CADPS2: variants seen among roughly 807,000 people sequenced by gnomAD.
CADPS2 encodes calcium dependent secretion activator 2.
Under a neutral mutation model 172.5 loss-of-function variants are expected in CADPS2, and 93 were observed. The ratio of observed to expected loss-of-function variants is 0.54; its 90% CI spans 0.46 to 0.64. CADPS2 has a LOEUF of 0.64. Ranked by LOEUF, CADPS2 falls within the 30% of genes least tolerant of loss-of-function variation. The pLI, the probability that CADPS2 is intolerant of heterozygous loss-of-function variation, is 0.00. For missense variants in CADPS2, 1,420 were observed against 1,565.9 expected (o/e 0.91, Z 1.57); for synonymous variants, 546 against 555.2 (o/e 0.98, Z 0.23).
At chr7:122,841,649 A>G (rs1810543282) in intron 1 of CADPS2, among the ~76,000 whole-genome samples, 1 of 152,216 alleles carries the variant, frequency 6.6e-6, no homozygotes, top group African/African-American at 2.4e-5. Context: ...GCTGAAAAAG[A>G]GAAGATCCAA....
At chr7:122,761,080 CAT>C (rs1265306732) in intron 1 of CADPS2, among the ~76,000 whole-genome samples, 1 of 152,064 alleles carries the variant, frequency 6.6e-6, no homozygotes, top group Admixed American at 6.6e-5. Context: ...TATCATGAAA[CAT>C]ATCCTTATAT....
At chr7:122,613,605 A>G (rs982331130) in intron 6 of CADPS2, among the ~76,000 whole-genome samples, 4 of 152,100 alleles carry the variant, frequency 2.6e-5, no homozygotes, top group Admixed American at 6.6e-5. Context: ...AGATAAATCT[A>G]TAAGAGACAG....
rs150428377 is a variant in CADPS2, at chr7:122,845,796, A to T, written c.339+40203T>A. ...TTTGGGGGCTACAAGCAACAGGAAA[A>T]CTTGATAAATTGTCCATGTTATTAC... On this transcript the variant is annotated intron_variant, in intron 1 of 29. Transcript: ENST00000449022. 2.2e-4 allele frequency among the ~76,000 whole-genome samples: 33 copies of T among 152,324 alleles called. 2 individuals carry two copies. In the East Asian group the frequency reaches 6.4e-3, roughly 29 times the overall value.
At chr7:122,769,469 A>T (rs1349190572) in intron 1 of CADPS2, among the ~76,000 whole-genome samples, 1 of 151,988 alleles carries the variant, frequency 6.6e-6, no homozygotes, top group Non-Finnish European at 1.5e-5. Flanking sequence ...CGTCACCTAC[A>T]TCCCCAACTC....
chr7:122,448,265 T>C (rs2052566561), intron 15 of CADPS2, among the ~76,000 whole-genome samples: 1 of 152,124 alleles, frequency 6.6e-6, no homozygotes, highest in African/African-American at 2.4e-5. Context: ...TTCTGAAAAT[T>C]CATGAAATGT....
intron 6 of CADPS2, among the ~76,000 whole-genome samples, chr7:122,605,700 G>A (rs78891823): frequency 0.028 from 4,318 of 151,958 alleles, 88 homozygotes; most frequent in Middle Eastern, 0.048. Flanking sequence ...TCACTGAATT[G>A]AGTTTTTATT....
rs1203830571 is a variant in CADPS2 at position 122,318,747 on chromosome 7, A to G, written c.*1418T>C. 1 of 152,198 alleles carries G rather than the reference A, an allele frequency of 6.6e-6. No individual in the cohort carries two copies. Among genetic ancestry groups the G allele is most frequent in the Non-Finnish European group, 1.5e-5 (1 of 68,032 alleles). 9.4% of individuals were successfully genotyped at this position (152,198 alleles called of 1,614,324 possible). A position where few individuals can be genotyped will look rare whatever the true frequency, so the allele number is the denominator to read the frequency against. ...ATGAGCCAAAACAATGCTAAATAGT[A>G]ACTGTAGATTAAATAGATTTTTAAG... On this transcript the variant is annotated 3_prime_UTR_variant, in exon 30 of 30. Transcript: ENST00000449022.
intron 5 of CADPS2, among the ~76,000 whole-genome samples, chr7:122,617,011 C>T (rs966296835): frequency 8.5e-5 from 13 of 152,112 alleles, no homozygotes; most frequent in Admixed American, 1.3e-4. Context: ...ATCTAGAAAT[C>T]GTAAGAGCAT....
intron 3 of CADPS2, among the ~76,000 whole-genome samples, chr7:122,642,427 A>G (rs1369454419): frequency 6.6e-6 from 1 of 152,184 alleles, no homozygotes; most frequent in Non-Finnish European, 1.5e-5. Flanking sequence ...CTTCGAGATC[A>G]GCAAATCTCC....
intron 1 of CADPS2, among the ~76,000 whole-genome samples, chr7:122,750,038 T>C (rs1009008589): frequency 1.3e-5 from 2 of 150,294 alleles, no homozygotes; most frequent in Non-Finnish European, 3.0e-5. Flanking sequence ...GTTTATTCTA[T>C]CAGTTACAAA....
intron 3 of CADPS2, among the ~76,000 whole-genome samples, chr7:122,639,381 T>C (rs1368994314): frequency 1.3e-5 from 2 of 152,306 alleles, no homozygotes; most frequent in South Asian, 2.1e-4. Context: ...TTATAAAAAG[T>C]AGAAAAACAT....
At chr7:122,351,234 A>G (rs564481767) in intron 27 of CADPS2, among the ~76,000 whole-genome samples, 3 of 151,324 alleles carry the variant, frequency 2.0e-5, no homozygotes, top group Admixed American at 1.3e-4. Flanking sequence ...TTAGCTGGGC[A>G]TGGTGGCGGG....
intron 3 of CADPS2, among the ~76,000 whole-genome samples, chr7:122,632,855 C>A (rs2076710874): frequency 6.6e-6 from 1 of 151,998 alleles, no homozygotes; most frequent in South Asian, 2.1e-4. Context: ...GTTAATCCAC[C>A]CTGAGTTAAT....
chr7:122,782,081 C>A (rs1233297915), intron 1 of CADPS2, among the ~76,000 whole-genome samples: 1 of 152,068 alleles, frequency 6.6e-6, no homozygotes, highest in Non-Finnish European at 1.5e-5. Flanking sequence ...TCATATTATT[C>A]TAAATAATTA....
chr7:122,564,847 G>GCACACGCA (rs1554626211), intron 7 of CADPS2, among the ~76,000 whole-genome samples: 123 of 145,520 alleles, frequency 8.5e-4, no homozygotes, highest in Non-Finnish European at 1.4e-3. Flanking sequence ...ACACACACAT[G>GCACACGCA]CACACACACA....
Position 122,471,450 on chromosome 7 carries a change from T to A in CADPS2, c.2111A>T (p.Glu704Val), listed in dbSNP as rs764237116. The A allele has an allele frequency of 9.9e-6, 16 of 1,613,474 alleles. No individual in the cohort carries two copies. The highest frequency in any genetic ancestry group is 1.4e-5 in the Non-Finnish European group (16 of 1,179,746). ...CYLAELMEHS[E>V]NGAVIDPTLL... ...GGTAGGGTCAATGACAGCACCATTTTCTGAATGTTCCATCAGTTCTGCAAG... is the reference window on the plus strand; with the variant it reads ...GGTAGGGTCAATGACAGCACCATTTACTGAATGTTCCATCAGTTCTGCAAG... Residue 704 changes from glutamate (E) to valine (V), a missense_variant, in exon 14 of 30, where the codon GAA becomes GTA. Glu to Val is a moderately radical substitution (Grantham distance 121). Transcript: ENST00000449022.
chr7:122,659,963 GA>G (rs2080334078), intron 3 of CADPS2, among the ~76,000 whole-genome samples: 2 of 152,164 alleles, frequency 1.3e-5, no homozygotes, highest in African/African-American at 4.8e-5. Flanking sequence ...AAAACTGAGA[GA>G]CTGCATCACC....
At chr7:122,347,990 A>G (rs2037950010) in intron 27 of CADPS2, among the ~76,000 whole-genome samples, 1 of 152,202 alleles carries the variant, frequency 6.6e-6, no homozygotes, top group African/African-American at 2.4e-5. Context: ...AGTTTCAGGC[A>G]AGTATCCAGA....
rs117416410 is a variant in CADPS2, at chr7:122,408,141, A to C, written c.2590-445T>G. On this transcript the variant is annotated intron_variant, in intron 19 of 29. Transcript: ENST00000449022. The stretch of plus-strand genomic sequence containing the variant: ...AGATTTTCCTGTGATTTCACTTTTA[A>C]TATAATAGCATAATCTTCTACTATA... Among the ~76,000 whole-genome samples the C allele has an allele frequency of 3.1e-3, 467 of 151,908 alleles. 2 individuals carry two copies. The highest frequency in any genetic ancestry group is 5.4e-3 in the Non-Finnish European group (367 of 67,974).
Sources: gnomAD v4.1 joint callset for allele counts (sites outside exome capture counted in the v4.1 genomes callset) on GRCh38, gnomAD v4.1.1 for gene constraint, MANE v1.5 for transcripts, NCBI Gene and HGNC (gene_info 2026-07-23, HGNC 2026-07-21) for gene names.